Variants in LHFPL3 observed in about 807,000 individuals in gnomAD.
LHFPL3 encodes LHFPL tetraspan subfamily member 3.
Under a neutral mutation model 19.3 loss-of-function variants are expected in LHFPL3, and 5 were observed. That is an observed-to-expected ratio of 0.26 (90% confidence interval 0.14 to 0.54). The LOEUF is 0.54. LHFPL3 is among the 20% of genes least tolerant of loss of function. LHFPL3 has a pLI of 0.94. For synonymous variants in LHFPL3, 133 were observed against 126.2 expected, an observed-to-expected ratio of 1.05 and a Z score of -0.36; for missense variants, 249 against 307.4, an observed-to-expected ratio of 0.81 and a Z score of 1.42.
At chr7:104,558,551 T>A (rs1009799303) in intron 1 of LHFPL3, among the ~76,000 whole-genome samples, 7 of 151,716 alleles carry the variant, frequency 4.6e-5, no homozygotes, top group Non-Finnish European at 7.4e-5. Context: ...GTAAATTTGT[T>A]TGAGTTCATT....
chr7:104,833,525 TGTAAGTTAATACTTAATAAACTCCCACGC>T, intron 2 of LHFPL3, among the ~76,000 whole-genome samples: 1 of 60,622 alleles, frequency 1.6e-5, no homozygotes, highest in African/African-American at 6.8e-5. Context: ...CTTGTGATCA[TGTAAGTTAATACTTAATAAACTCCCACGC>T]GGGAGTTTAT....
intron 2 of LHFPL3, among the ~76,000 whole-genome samples, chr7:104,771,285 T>C (rs549932082): frequency 7.2e-5 from 11 of 152,338 alleles, no homozygotes; most frequent in African/African-American, 2.6e-4. Context: ...TTTCACTTGT[T>C]CAGATATGTG....
intron 1 of LHFPL3, among the ~76,000 whole-genome samples, chr7:104,682,664 T>G (rs1792728331): frequency 6.6e-6 from 1 of 152,184 alleles, no homozygotes; most frequent in South Asian, 2.1e-4. Context: ...AACAAGTTTT[T>G]TGGATAAATG....
At chr7:104,830,173 GGGTT>G (rs1306665082) in intron 2 of LHFPL3, among the ~76,000 whole-genome samples, 3 of 151,708 alleles carry the variant, frequency 2.0e-5, no homozygotes, top group African/African-American at 7.3e-5. Context: ...CTTTTTGATG[GGGTT>G]GTTTGTTTTT....
intron 1 of LHFPL3, among the ~76,000 whole-genome samples, chr7:104,506,617 A>G (rs1273519509): frequency 6.6e-6 from 1 of 152,244 alleles, no homozygotes; most frequent in African/African-American, 2.4e-5. Context: ...ACTAACAGAT[A>G]TAGATCAGGA....
At chr7:104,893,732 G>A (rs573834852) in intron 2 of LHFPL3, among the ~76,000 whole-genome samples, 3 of 151,374 alleles carry the variant, frequency 2.0e-5, no homozygotes, top group Non-Finnish European at 4.4e-5. Context: ...CAGGTGGATC[G>A]CCTGAGGTCA....
intron 1 of LHFPL3, among the ~76,000 whole-genome samples, chr7:104,410,429 G>A (rs553663855): frequency 7.9e-5 from 12 of 152,142 alleles, no homozygotes; most frequent in East Asian, 1.9e-4. Flanking sequence ...CGCTGCACCC[G>A]GCCTGTATGT....
At chr7:104,347,755 G>C (rs113153106) in intron 1 of LHFPL3, among the ~76,000 whole-genome samples, 1 of 152,136 alleles carries the variant, frequency 6.6e-6, no homozygotes, top group South Asian at 2.1e-4. Context: ...AGTCGGGCGT[G>C]GTGGCACGCC....
At chr7:104,562,112 A>C (rs1790017780) in intron 1 of LHFPL3, among the ~76,000 whole-genome samples, 1 of 151,718 alleles carries the variant, frequency 6.6e-6, no homozygotes, top group Non-Finnish European at 1.5e-5. Flanking sequence ...GGCTGCCCTT[A>C]ACATTTTTTC....
intron 1 of LHFPL3, among the ~76,000 whole-genome samples, chr7:104,537,239 G>C (rs888312654): frequency 6.6e-6 from 1 of 152,072 alleles, no homozygotes; most frequent in Admixed American, 6.5e-5. Flanking sequence ...TTGGAGATGT[G>C]GGGGAGAGTG....
chr7:104,564,481 G>A (rs912725923), intron 1 of LHFPL3, among the ~76,000 whole-genome samples: 3 of 152,158 alleles, frequency 2.0e-5, no homozygotes, highest in Non-Finnish European at 4.4e-5. Flanking sequence ...GCTGGTTATT[G>A]CAAAGGATAC....
intron 1 of LHFPL3, among the ~76,000 whole-genome samples, chr7:104,670,481 G>A (rs1335852428): frequency 8.5e-5 from 13 of 152,086 alleles, no homozygotes; most frequent in South Asian, 6.2e-4. Context: ...GACTCTTATC[G>A]TCATCTTAAG....
chr7:104,329,067 C>A lies in LHFPL3; in HGVS notation c.288C>A (p.Asp96Glu). ...TGACCTGCAGGGGCAGCTTCACGGA[C>A]TTCTCCACGCTGCCCTCGGGCGCCT... ...RELTCRGSFTDFSTLPSGAFK... is the reference protein window; with the variant it reads ...RELTCRGSFTEFSTLPSGAFK... The change falls in exon 1 of 3, where the codon GAC becomes GAA. Residue 96 changes from aspartate to glutamate, a missense_variant. Transcript: ENST00000424859. 1 of 1,614,070 alleles carries A rather than the reference C, an allele frequency of 6.2e-7. No homozygotes were observed.
intron 1 of LHFPL3, among the ~76,000 whole-genome samples, chr7:104,459,492 C>T (rs1219297414): frequency 6.6e-6 from 1 of 152,198 alleles, no homozygotes; most frequent in Admixed American, 6.5e-5. Flanking sequence ...GCGCAAACTG[C>T]TGCCATGGAC....
At chr7:104,501,697 C>G in intron 1 of LHFPL3, among the ~76,000 whole-genome samples, 2 of 152,038 alleles carry the variant, frequency 1.3e-5, no homozygotes, top group East Asian at 3.9e-4. Flanking sequence ...CCTGATACAG[C>G]CTGGGGCTCA....
intron 1 of LHFPL3, among the ~76,000 whole-genome samples, chr7:104,509,266 G>GAAAAAAAAAAAAAAAAAAAAAA (rs5886324): frequency 6.9e-6 from 1 of 145,484 alleles, no homozygotes. Context: ...AGGAAGAAAG[G>GAAAAAAAAAAAAAAAAAAAAAA]AAAAAAAAAA....
intron 1 of LHFPL3, among the ~76,000 whole-genome samples, chr7:104,567,513 T>A (rs1790146844): frequency 6.6e-6 from 1 of 152,246 alleles, no homozygotes; most frequent in South Asian, 2.1e-4. Flanking sequence ...AGCACCTGGA[T>A]GAGCTCTCAG....
intron 1 of LHFPL3, among the ~76,000 whole-genome samples, chr7:104,400,276 A>G (rs1038964934): frequency 2.0e-5 from 3 of 152,100 alleles, no homozygotes; most frequent in Middle Eastern, 3.2e-3. Flanking sequence ...GATGATGGAC[A>G]TAAAAAATGT....
intron 2 of LHFPL3, among the ~76,000 whole-genome samples, chr7:104,829,030 CA>C (rs11291805): frequency 0.99 from 149,526 of 150,508 alleles, 74,295 homozygotes; most frequent in Middle Eastern, 1. Flanking sequence ...GACTCCATCT[CA>C]AAAAAAAAAG....
Sources: gnomAD v4.1 joint callset for allele counts (sites outside exome capture counted in the v4.1 genomes callset) on GRCh38, gnomAD v4.1.1 for gene constraint, MANE v1.5 for transcripts, NCBI Gene and HGNC (gene_info 2026-07-23, HGNC 2026-07-21) for gene names.